The following GGA2 variants were observed in gnomAD, a reference collection of about 807,000 sequenced individuals.
GGA2 encodes ADP-ribosylation factor-binding protein GGA2.
In GGA2, 48 loss-of-function variants were observed where a neutral mutation model predicts 79.5. That is an observed-to-expected ratio of 0.60 (90% CI 0.48 to 0.77). The LOEUF (loss-of-function observed/expected upper bound fraction) is 0.77. Ranked by LOEUF, GGA2 falls within the 30% of genes least tolerant of loss-of-function variation. The pLI, the probability that GGA2 is intolerant of heterozygous loss-of-function variation, is 0.00. For missense variants in GGA2, 770 were observed against 774.0 expected (o/e 0.99, Z 0.06); for synonymous variants, 317 against 302.0 (o/e 1.05, Z -0.51).
rs972305150 is a variant in GGA2 at position 23,495,778 on chromosome 16, T to C, written c.92A>G (p.Asn31Ser). Residue 31 changes from asparagine (N) to serine (S), a missense_variant and splice_region_variant, in exon 2 of 17, where the codon AAC becomes AGC. Coordinates refer to ENST00000309859, the MANE Select transcript of GGA2 (RefSeq NM_015044.4). ...GPAASLELWL[N>S]KATDPSMSEQ... ...CGACATGCTTGGGTCTGTGGCTTTG[T>C]CTGTCAAATAAATAATAAAGTTAGA... 3.1e-6 allele frequency: 5 copies of C among 1,603,816 alleles called. No homozygotes were observed. Among genetic ancestry groups the C allele is most frequent in the Non-Finnish European group, 4.3e-6 (5 of 1,171,722 alleles).
rs2142133125 is a variant in GGA2, at chr16:23,493,413, C to T, written c.298G>A (p.Glu100Lys). 7 of 1,613,046 alleles carry T rather than the reference C, an allele frequency of 4.3e-6. No homozygotes were observed. Among genetic ancestry groups the T allele is most frequent in the South Asian group, 2.2e-5 (2 of 91,056 alleles). Reference protein sequence around the residue: ...MNHCGEKFHSEVAKFRFLNEL... With the variant: ...MNHCGEKFHSKVAKFRFLNEL... ...TTCAGGAAACGAAATTTGGCCACCT[C>T]GCTGTGGAACTTCTCCCCACAGTGG... The change falls in exon 4 of 17, where the codon GAG (glutamate) becomes AAG (lysine). Residue 100 changes from glutamate to lysine, a missense_variant. By Grantham distance (56) the Glu-to-Lys change is moderately conservative. Transcript: ENST00000309859.
At chr16:23,491,107 TTGTGTG>T (rs907272872) in intron 5 of GGA2, among the ~76,000 whole-genome samples, 8 of 151,236 alleles carry the variant, frequency 5.3e-5, no homozygotes, top group African/African-American at 1.9e-4. Flanking sequence ...GTGTGTGTGT[TTGTGTG>T]TGTGTGTTGG....
upstream of GGA2, among the ~76,000 whole-genome samples, chr16:23,514,623 A>G (rs1346745614): frequency 1.3e-5 from 2 of 151,864 alleles, no homozygotes; most frequent in East Asian, 3.9e-4. Flanking sequence ...CAGCTAATTT[A>G]TTTAGTTTTG....
rs770071501 is a variant in GGA2 at position 23,486,731 on chromosome 16, T to A, written c.639A>T (p.Leu213Phe). 6.2e-7 allele frequency: 1 copy of A among 1,609,288 alleles called. No individual in the cohort carries two copies. Among genetic ancestry groups the A allele is most frequent in the Admixed American group, 1.7e-5 (1 of 60,010 alleles). The stretch of plus-strand genomic sequence containing the variant: ...CCACCTCCTTGACCAAATTCTTGAT[T>A]AACCGGTTTGCAGCCTGAAGGTCCT... Reference protein sequence around the residue: ...HPEDLQAANRLIKNLVKEEQE... With the variant: ...HPEDLQAANRFIKNLVKEEQE... The change falls in exon 7 of 17, where the codon TTA (leucine) becomes TTT (phenylalanine). Residue 213 changes from leucine (L) to phenylalanine (F), a missense_variant. Coordinates refer to ENST00000309859, the MANE Select transcript of GGA2 (RefSeq NM_015044.4).
At chr16:23,510,283 G>C in intron 1 of GGA2, 38 bp downstream of exon 1, 1 of 1,344,098 alleles carries the variant, frequency 7.4e-7, no homozygotes, top group Non-Finnish European at 9.8e-7. Flanking sequence ...CTCACGTGCG[G>C]CGCAGCGGCT....
chr16:23,488,480 G>T, intron 6 of GGA2, 126 bp downstream of exon 6: 1 of 713,552 alleles, frequency 1.4e-6, no homozygotes, highest in East Asian at 2.5e-5. Context: ...CACTCCTAAG[G>T]GCCTGTCTGG....
chr16:23,482,680 C>G (rs1293040901), intron 9 of GGA2, among the ~76,000 whole-genome samples: 2 of 152,202 alleles, frequency 1.3e-5, no homozygotes, highest in African/African-American at 4.8e-5. Context: ...ACCTCTCACA[C>G]CCCAATCTCC....
intron 13 of GGA2, among the ~76,000 whole-genome samples, chr16:23,478,091 TG>T (rs1008496882): frequency 4.7e-5 from 7 of 149,764 alleles, no homozygotes; most frequent in Admixed American, 3.3e-4. Flanking sequence ...CCCAGCTACT[TG>T]GGAGGCTGAG....
At chr16:23,483,082 G>T in intron 8 of GGA2, 78 bp from the exon 9 acceptor site, 1 of 868,378 alleles carries the variant, frequency 1.2e-6, no homozygotes, top group Non-Finnish European at 2.0e-6. Flanking sequence ...AGGAGCCTTC[G>T]ATCAGGCAGA....
At chr16:23,491,424 T>C (rs1964785444) in intron 5 of GGA2, among the ~76,000 whole-genome samples, 1 of 151,674 alleles carries the variant, frequency 6.6e-6, no homozygotes, top group African/African-American at 2.4e-5. Flanking sequence ...TTTCATGCTG[T>C]GGTTTCCTAT....
At chr16:23,487,396 C>T (rs920991272) in intron 6 of GGA2, among the ~76,000 whole-genome samples, 1 of 152,050 alleles carries the variant, frequency 6.6e-6, no homozygotes, top group Non-Finnish European at 1.5e-5. Context: ...ACTGGCAGCT[C>T]GTGGGTAGAG....
At chr16:23,498,823 T>C (rs1216377962) in intron 1 of GGA2, among the ~76,000 whole-genome samples, 2 of 152,172 alleles carry the variant, frequency 1.3e-5, no homozygotes, top group Non-Finnish European at 2.9e-5. Context: ...ACGTACAACA[T>C]AGAAACTCAT....
At chr16:23,478,341 C>G in intron 13 of GGA2, 27 bp downstream of exon 13, 1 of 1,546,328 alleles carries the variant, frequency 6.5e-7, no homozygotes, top group Non-Finnish European at 8.7e-7. Context: ...GCCACACTCT[C>G]CCACTCCCCT....
intron 13 of GGA2, among the ~76,000 whole-genome samples, chr16:23,477,426 A>G (rs936241273): frequency 2.6e-5 from 4 of 152,154 alleles, no homozygotes; most frequent in Non-Finnish European, 5.9e-5. Flanking sequence ...TTTGGCTCTC[A>G]TTCTCTCGTC....
intron 14 of GGA2, among the ~76,000 whole-genome samples, chr16:23,474,631 C>T (rs1203676708): frequency 2.0e-5 from 3 of 151,550 alleles, no homozygotes; most frequent in African/African-American, 7.3e-5. Context: ...TTTTTCTTCC[C>T]CCCCAAATAG....
upstream of GGA2, among the ~76,000 whole-genome samples, chr16:23,514,446 CTT>C (rs1008041524): frequency 1.3e-4 from 19 of 151,928 alleles, no homozygotes; most frequent in Admixed American, 1.3e-4. Context: ...ATGCTTTTCT[CTT>C]GTTAGCCTTT....
chr16:23,470,825 CTTTTTTTTTTT>C (rs36067397), intron 14 of GGA2, among the ~76,000 whole-genome samples: 14 of 56,112 alleles, frequency 2.5e-4, no homozygotes, highest in Admixed American at 3.0e-4. Context: ...GAAATAAATG[CTTTTTTTTTTT>C]TTTTTTTTTT....
chr16:23,513,452 C>T (rs1198828478), upstream of GGA2, among the ~76,000 whole-genome samples: 3 of 152,114 alleles, frequency 2.0e-5, no homozygotes, highest in Admixed American at 2.0e-4. Flanking sequence ...AGACATATTA[C>T]TCCAGCCTTC....
At chr16:23,492,335 C>T (rs1361281352) in intron 4 of GGA2, among the ~76,000 whole-genome samples, 2 of 152,188 alleles carry the variant, frequency 1.3e-5, no homozygotes, top group Non-Finnish European at 1.5e-5. Flanking sequence ...CCACATCCCC[C>T]CACCTGTGGA....
Sources: gnomAD v4.1 joint callset for allele counts (sites outside exome capture counted in the v4.1 genomes callset) on GRCh38, gnomAD v4.1.1 for gene constraint, MANE v1.5 for transcripts, NCBI Gene and HGNC (gene_info 2026-07-23, HGNC 2026-07-21) for gene names.